ASB13: variants seen among roughly 807,000 people sequenced by gnomAD.
The protein encoded by ASB13 is ankyrin repeat and SOCS box containing 13.
A neutral mutation model predicts 28.8 loss-of-function variants in ASB13; 33 were observed. The observed-to-expected ratio is 1.15, with a 90% CI of 0.87 to 1.53. ASB13 has a LOEUF of 1.53. Among genes scored for constraint, ASB13 ranks in the 40% most tolerant of loss-of-function variants. The pLI, the probability that ASB13 is intolerant of heterozygous loss-of-function variation, is 0.00. For synonymous variants in ASB13, 182 were observed against 172.9 expected, an observed-to-expected ratio of 1.05 and a Z score of -0.41; for missense variants, 414 against 390.1, an observed-to-expected ratio of 1.06 and a Z score of -0.52.
chr10:5,649,343 C>T lies in ASB13; in HGVS notation c.383-239G>A, dbSNP rs957303818. On this transcript the variant is annotated intron_variant, in intron 3 of 5. Transcript: ENST00000357700. This position sits in a 1 kb window ranked among gnomAD's most constrained non-coding sequence, Gnocchi z 6.4. ...AGGCAGTGGGAGAAACGGGCCTGGC[C>T]GGCTTCTTGCTGTGAGAACAGAAGA... Among the ~76,000 whole-genome samples, 3 of 152,126 alleles carry T rather than the reference C, an allele frequency of 2.0e-5. No homozygotes were observed. The highest frequency in any genetic ancestry group is 6.5e-5 in the Admixed American group (1 of 15,280).
At position 5,642,944 on chromosome 10, in the gene ASB13, A is replaced by G. The variant is rs1834833331; in HGVS notation, c.518-983T>C. On this transcript the variant is annotated intron_variant, in intron 4 of 5. Transcript: ENST00000357700. The surrounding 1 kb of genome is among the most constrained non-coding windows in gnomAD (Gnocchi z 4.1). ...AACACACTAAAAAAAATTTTGATAA[A>G]AATATGATTTTTGTAACACATCATT... Among the ~76,000 whole-genome samples, 13 of 152,328 alleles carry G rather than the reference A, an allele frequency of 8.5e-5. 1 individual carries two copies. The South Asian group carries it at 2.7e-3, about 32-fold the overall frequency.
Position 5,664,245 on chromosome 10 carries a change from C to T in ASB13, c.43+2264G>A, listed in dbSNP as rs191744560. 7.0e-3 allele frequency among the ~76,000 whole-genome samples: 1,041 copies of T among 149,724 alleles called. 3 individuals are homozygous for T. Among genetic ancestry groups the T allele is most frequent in the Middle Eastern group, 0.014 (4 of 288 alleles). ...CCCTGCCCCACCCCCACCCCGGCTT[C>T]CCAGAGCAGCAGCAGGCAGAGCTGG... is the stretch of plus-strand genomic sequence containing the variant. On this transcript the variant is annotated intron_variant, in intron 1 of 5. Coordinates refer to ENST00000357700, the MANE Select transcript of ASB13 (RefSeq NM_024701.4). The surrounding 1 kb of genome is among the most constrained non-coding windows in gnomAD (Gnocchi z 4.2).
In ASB13 at chr10:5,655,865, G is replaced by A. The variant is rs947702241; in HGVS notation, c.44-2815C>T. 5.9e-5 allele frequency among the ~76,000 whole-genome samples: 9 copies of A among 152,200 alleles called. No individual in the cohort carries two copies. Among genetic ancestry groups the A allele is most frequent in the African/African-American group, 1.7e-4 (7 of 41,446 alleles). On this transcript the variant is annotated intron_variant, in intron 1 of 5. Transcript: ENST00000357700. The surrounding 1 kb of genome is among the most constrained non-coding windows in gnomAD (Gnocchi z 6.2). ...TGCATCTCAGGAGGCCACCTGAGCC[G>A]GGAAGGCGCGTTCCCGACGTGCCTC...
At chr10:5,654,319 T>C (rs1329871025) in intron 1 of ASB13, among the ~76,000 whole-genome samples, 1 of 152,058 alleles carries the variant, frequency 6.6e-6, no homozygotes, top group African/African-American at 2.4e-5. Flanking sequence ...CTTCCTTCCC[T>C]GGATACTGCC....
chr10:5,642,346 C>A lies in ASB13; in HGVS notation c.518-385G>T. 2 of 444,466 alleles carry A rather than the reference C, an allele frequency of 4.5e-6. No homozygotes were observed. The highest frequency in any genetic ancestry group is 6.8e-6 in the Non-Finnish European group (2 of 294,936). 27.5% of individuals were successfully genotyped at this position (444,466 alleles called of 1,614,324 possible). On this transcript the variant is annotated intron_variant, in intron 4 of 5. Coordinates refer to ENST00000357700, the MANE Select transcript of ASB13 (RefSeq NM_024701.4). The surrounding 1 kb of genome is among the most constrained non-coding windows in gnomAD (Gnocchi z 4.1). ...TCAAGCACTCCCGCCTGGCCTCCAG[C>A]ACAGACACACACTGCTTCTTCCTCT...
At chr10:5,662,327 T>C (rs564869635) in intron 1 of ASB13, among the ~76,000 whole-genome samples, 296 of 152,000 alleles carry the variant, frequency 1.9e-3, no homozygotes, top group African/African-American at 6.6e-3. Context: ...GAGATCAGCC[T>C]GGCCAACATG....
intron 4 of ASB13, among the ~76,000 whole-genome samples, chr10:5,643,491 G>A (rs879502499): frequency 6.6e-6 from 1 of 152,166 alleles, no homozygotes; most frequent in Admixed American, 6.5e-5. Flanking sequence ...AAACTCAGAA[G>A]TCAGAACAGG....
chr10:5,641,825 C>T lies in ASB13; in HGVS notation c.654G>A (p.Pro218=), dbSNP rs149225019. 1.9e-5 allele frequency: 30 copies of T among 1,612,658 alleles called. No individual in the cohort carries two copies. The African/African-American group carries it at 2.5e-4, about 14-fold the overall frequency. Residue 218 remains proline (P), a synonymous_variant, in exon 5 of 6, where the codon CCG becomes CCA. Transcript: ENST00000357700. This position sits in a 1 kb window ranked among gnomAD's most constrained non-coding sequence, Gnocchi z 8.4. The part of the protein sequence containing the change: ...IYARDNRGKK[P]SDYTWSSSAP... ...CGCTGCTGCTCCACGTGTAGTCAGA[C>T]GGCTTCTTCCCGCGGTTGTCCCGGG...
intron 4 of ASB13, among the ~76,000 whole-genome samples, chr10:5,643,847 G>A (rs1276469513): frequency 2.0e-5 from 3 of 152,206 alleles, no homozygotes; most frequent in Non-Finnish European, 2.9e-5. Context: ...AACAGAGAAA[G>A]AGGCCCAAGG....
chr10:5,664,709 C>G lies in ASB13; in HGVS notation c.43+1800G>C, dbSNP rs1344321087. 6.6e-6 allele frequency among the ~76,000 whole-genome samples: 1 copy of G among 152,166 alleles called. No individual in the cohort carries two copies. Among genetic ancestry groups the G allele is most frequent in the African/African-American group, 2.4e-5 (1 of 41,438 alleles). On this transcript the variant is annotated intron_variant, in intron 1 of 5. Transcript: ENST00000357700. The surrounding 1 kb of genome is among the most constrained non-coding windows in gnomAD (Gnocchi z 4.2). ...ATTTTATTTATTTTTGAGACGGAGT[C>G]TCACTCTGTCGCCCAGGCTGGAGTG... is the stretch of plus-strand genomic sequence containing the variant.
chr10:5,651,198 C>T lies in ASB13; in HGVS notation c.382+15G>A, dbSNP rs576173393. ...CAGAGCCCAGCTGGGCCAGCCCAGC[C>T]GTCTGCCAACTCACCGCTCATGCAG... On this transcript the variant is annotated intron_variant, in intron 3 of 5. Coordinates refer to ENST00000357700, the MANE Select transcript of ASB13 (RefSeq NM_024701.4). This position sits in a 1 kb window ranked among gnomAD's most constrained non-coding sequence, Gnocchi z 5.1. 35 of 1,593,268 alleles carry T rather than the reference C, an allele frequency of 2.2e-5. No individual in the cohort carries two copies. Among genetic ancestry groups the T allele is most frequent in the Admixed American group, 3.5e-5 (2 of 56,918 alleles).
In ASB13 at chr10:5,663,744, T is replaced by C. The variant is rs1835210177; in HGVS notation, c.43+2765A>G. ...TTGCTAATTTCCTCTGATACTTCCA[T>C]TGGCCCTAAATAGGCTTTTCTGGTG... On this transcript the variant is annotated intron_variant, in intron 1 of 5. Transcript: ENST00000357700. The surrounding 1 kb of genome is among the most constrained non-coding windows in gnomAD (Gnocchi z 4.9). Among the ~76,000 whole-genome samples the C allele has an allele frequency of 6.6e-6, 1 of 152,212 alleles. No individual in the cohort carries two copies. The highest frequency in any genetic ancestry group is 1.5e-5 in the Non-Finnish European group (1 of 68,034).
chr10:5,645,773 G>A lies in ASB13; in HGVS notation c.517+3197C>T, dbSNP rs1183886458. ...GACTTTCCACTCTTCTGTTTTTCTA[G>A]AGACACGGTCCCTGGCTTTCCTTTG... On this transcript the variant is annotated intron_variant, in intron 4 of 5. Coordinates refer to ENST00000357700, the MANE Select transcript of ASB13 (RefSeq NM_024701.4). The surrounding 1 kb of genome is among the most constrained non-coding windows in gnomAD (Gnocchi z 5.4). Among the ~76,000 whole-genome samples the A allele has an allele frequency of 1.3e-5, 2 of 152,078 alleles. No individual in the cohort carries two copies. Among genetic ancestry groups the A allele is most frequent in the African/African-American group, 4.8e-5 (2 of 41,408 alleles).
In ASB13 at chr10:5,660,345, C is replaced by T. The variant is rs544416791; in HGVS notation, c.43+6164G>A. On this transcript the variant is annotated intron_variant, in intron 1 of 5. Coordinates refer to ENST00000357700, the MANE Select transcript of ASB13 (RefSeq NM_024701.4). This position sits in a 1 kb window ranked among gnomAD's most constrained non-coding sequence, Gnocchi z 6.1. ...ACCTTTCTGGACCCCAGCTCCTCTT[C>T]CCCTCTCTTGCCCCTTTGCTGGGGC... 5.3e-5 allele frequency among the ~76,000 whole-genome samples: 8 copies of T among 152,324 alleles called. No homozygotes were observed. The highest frequency in any genetic ancestry group is 1.9e-4 in the African/African-American group (8 of 41,586).
Position 5,648,978 on chromosome 10 carries a change from A to T in ASB13, c.509T>A (p.Leu170His), listed in dbSNP as rs61729425. Reference sequence around the variant, plus strand: ...GGCAAACACCCACTCACCTGCATTGAGCAGCACTTTGACACAGTCCAGATG... The same window carrying T: ...GGCAAACACCCACTCACCTGCATTGTGCAGCACTTTGACACAGTCCAGATG... ...REHLDCVKVL[L>H]NAGANVNAAK... Residue 170 changes from leucine (L) to histidine (H), a missense_variant, in exon 4 of 6, where the codon CTC (leucine) becomes CAC (histidine). Leu to His is a moderately conservative substitution (Grantham distance 99). Transcript: ENST00000357700. The T allele has an allele frequency of 6.2e-4, 995 of 1,614,216 alleles. 8 individuals are homozygous for T. The African/African-American group carries it at 0.012, about 19-fold the overall frequency.
In ASB13 at chr10:5,663,181, G is replaced by C. The variant is rs1024918275; in HGVS notation, c.43+3328C>G. 1.3e-5 allele frequency among the ~76,000 whole-genome samples: 2 copies of C among 152,174 alleles called. No individual in the cohort carries two copies. Among genetic ancestry groups the C allele is most frequent in the African/African-American group, 2.4e-5 (1 of 41,430 alleles). On this transcript the variant is annotated intron_variant, in intron 1 of 5. Coordinates refer to ENST00000357700, the MANE Select transcript of ASB13 (RefSeq NM_024701.4). The surrounding 1 kb of genome is among the most constrained non-coding windows in gnomAD (Gnocchi z 4.9). ...GGACAAAATGGTCAAAACTCAGTAA[G>C]AGTGGAGAAAAGAAAGGGAAAGAAT...
In ASB13 at chr10:5,651,210, C is replaced by G; in HGVS notation, c.382+3G>C. 1 of 1,600,842 alleles carries G rather than the reference C, an allele frequency of 6.2e-7. No individual in the cohort carries two copies. The highest frequency in any genetic ancestry group is 8.5e-7 in the Non-Finnish European group (1 of 1,173,562). On this transcript the variant is annotated splice_donor_region_variant and intron_variant, in intron 3 of 5. Coordinates refer to ENST00000357700, the MANE Select transcript of ASB13 (RefSeq NM_024701.4). This position sits in a 1 kb window ranked among gnomAD's most constrained non-coding sequence, Gnocchi z 5.1. Reference sequence around the variant, plus strand: ...GGGCCAGCCCAGCCGTCTGCCAACTCACCGCTCATGCAGGCCTCGTGCAGG... The same window carrying G: ...GGGCCAGCCCAGCCGTCTGCCAACTGACCGCTCATGCAGGCCTCGTGCAGG...
chr10:5,661,975 C>T lies in ASB13; in HGVS notation c.43+4534G>A, dbSNP rs1204090642. Among the ~76,000 whole-genome samples, 1 of 152,152 alleles carries T rather than the reference C, an allele frequency of 6.6e-6. No individual in the cohort carries two copies. Among genetic ancestry groups the T allele is most frequent in the Non-Finnish European group, 1.5e-5 (1 of 68,014 alleles). On this transcript the variant is annotated intron_variant, in intron 1 of 5. Transcript: ENST00000357700. The surrounding 1 kb of genome is among the most constrained non-coding windows in gnomAD (Gnocchi z 4.9). The stretch of plus-strand genomic sequence containing the variant: ...GCATTCTTGAAATGGTGAGGGTGGG[C>T]CCTCCACCCTGACCCACCCATAAAG...
At chr10:5,646,356 A>G (rs1223913276) in intron 4 of ASB13, among the ~76,000 whole-genome samples, 4 of 152,182 alleles carry the variant, frequency 2.6e-5, no homozygotes, top group Non-Finnish European at 2.9e-5. Context: ...GCCCATCAGA[A>G]TTTGGCAAAG....
Sources: allele counts gnomAD v4.1 joint callset (sites outside exome capture counted in the v4.1 genomes callset), GRCh38; gene constraint gnomAD v4.1.1; non-coding constraint Gnocchi (gnomAD v3.1); transcripts MANE v1.5; gene names NCBI Gene and HGNC (gene_info 2026-07-23, HGNC 2026-07-21).